The following CSGALNACT1 variants were observed in gnomAD, a reference collection of about 807,000 sequenced individuals.
The protein encoded by CSGALNACT1 is beta4GalNAcT-1.
A neutral mutation model predicts 51.0 loss-of-function variants in CSGALNACT1; 52 were observed. The observed-to-expected ratio is 1.02, with a 90% confidence interval of 0.82 to 1.29. The LOEUF is 1.29. Among genes scored for constraint, CSGALNACT1 ranks in the 50% most tolerant of loss-of-function variants. The pLI is 0.00. For missense variants in CSGALNACT1, 935 were observed against 679.2 expected, an observed-to-expected ratio of 1.38 and a Z score of -4.19; for synonymous variants, 341 against 254.4, an observed-to-expected ratio of 1.34 and a Z score of -3.24.
chr8:19,473,150 GA>G (rs2068601638), intron 4 of CSGALNACT1, among the ~76,000 whole-genome samples: 1 of 152,138 alleles, frequency 6.6e-6, no homozygotes, highest in African/African-American at 2.4e-5. Context: ...TGGACCCAGA[GA>G]TGTAAAGATT....
chr8:19,632,899 C>T (rs2055482976), intron 1 of CSGALNACT1, among the ~76,000 whole-genome samples: 1 of 151,024 alleles, frequency 6.6e-6, no homozygotes, highest in African/African-American at 2.4e-5. Flanking sequence ...GGACTACAGG[C>T]TTGCACCACC....
upstream of CSGALNACT1, among the ~76,000 whole-genome samples, chr8:19,607,202 G>C (rs1045335985): frequency 6.6e-6 from 1 of 151,586 alleles, no homozygotes. Context: ...GGGACCCTGC[G>C]TGGTCTGGAG....
At chr8:19,703,181 T>C (rs893482736) in intron 1 of CSGALNACT1, among the ~76,000 whole-genome samples, 2 of 152,172 alleles carry the variant, frequency 1.3e-5, no homozygotes, top group Non-Finnish European at 2.9e-5. Flanking sequence ...GAGCTTTTCC[T>C]TCTCAACTAG....
intron 3 of CSGALNACT1, among the ~76,000 whole-genome samples, chr8:19,583,198 C>T (rs2045947574): frequency 6.6e-6 from 1 of 152,046 alleles, no homozygotes; most frequent in Admixed American, 6.6e-5. Flanking sequence ...CCATTATTCT[C>T]TTAAATCATG....
intron 1 of CSGALNACT1, among the ~76,000 whole-genome samples, chr8:19,680,533 G>T (rs931013299): frequency 2.9e-5 from 4 of 137,320 alleles, no homozygotes; most frequent in African/African-American, 1.1e-4. Flanking sequence ...TCCAGCCTGG[G>T]CAACAAAGGA....
At chr8:19,503,276 C>T (rs4922047) in intron 4 of CSGALNACT1, among the ~76,000 whole-genome samples, 116,203 of 152,122 alleles carry the variant, frequency 0.76, 45,009 homozygotes, top group East Asian at 0.85. Flanking sequence ...GTGCTGCCCA[C>T]GAAATCAATA....
chr8:19,687,885 A>G (rs2061064782), intron 1 of CSGALNACT1, among the ~76,000 whole-genome samples: 1 of 152,246 alleles, frequency 6.6e-6, no homozygotes, highest in Admixed American at 6.5e-5. Flanking sequence ...TGAAGCAGAT[A>G]CTGTATAACC....
chr8:19,718,552 C>T (rs2062943345), intron 1 of CSGALNACT1, among the ~76,000 whole-genome samples: 1 of 152,114 alleles, frequency 6.6e-6, no homozygotes, highest in Non-Finnish European at 1.5e-5. Flanking sequence ...TTTTTCTTGC[C>T]ATCAATGTAC....
chr8:19,459,265 C>A (rs184400707), intron 4 of CSGALNACT1, among the ~76,000 whole-genome samples: 112 of 151,488 alleles, frequency 7.4e-4, no homozygotes, highest in African/African-American at 2.6e-3. Context: ...CGCCTGTAAC[C>A]CTGGCTACTT....
At position 19,579,872 on chromosome 8, in the gene CSGALNACT1, T is replaced by A. The variant is rs545908567; in HGVS notation, c.-297+11288A>T. Among the ~76,000 whole-genome samples, 128 of 152,230 alleles carry A rather than the reference T, an allele frequency of 8.4e-4. 1 individual carries two copies. The highest frequency in any genetic ancestry group is 2.7e-3 in the Admixed American group (41 of 15,294). On this transcript the variant is annotated intron_variant, in intron 3 of 9. Coordinates refer to ENST00000454498, the Ensembl canonical transcript of CSGALNACT1. ...ACAAAAAGTAATGGTAATATCACACTAAGTCTCCCGCTGAGAACAATTACA... is the reference window on the plus strand; with the variant it reads ...ACAAAAAGTAATGGTAATATCACACAAAGTCTCCCGCTGAGAACAATTACA...
intron 3 of CSGALNACT1, among the ~76,000 whole-genome samples, chr8:19,576,681 G>A (rs2044301485): frequency 1.3e-5 from 2 of 151,844 alleles, no homozygotes; most frequent in South Asian, 4.2e-4. Flanking sequence ...CCCCCGACAG[G>A]CAGCCCCATG....
chr8:19,619,964 T>C (rs897826189), intron 1 of CSGALNACT1, among the ~76,000 whole-genome samples: 8 of 152,160 alleles, frequency 5.3e-5, no homozygotes, highest in Middle Eastern at 3.4e-3. Flanking sequence ...CTCTAATTTC[T>C]AAAAGGAGGA....
intron 4 of CSGALNACT1, among the ~76,000 whole-genome samples, chr8:19,470,370 G>T (rs1334744389): frequency 1.3e-5 from 2 of 152,206 alleles, no homozygotes; most frequent in African/African-American, 2.4e-5. Flanking sequence ...GCACGGAGAT[G>T]AGTAAGGATG....
intron 5 of CSGALNACT1, among the ~76,000 whole-genome samples, chr8:19,456,052 T>C (rs1232838526): frequency 6.6e-6 from 1 of 152,230 alleles, no homozygotes; most frequent in Non-Finnish European, 1.5e-5. Flanking sequence ...CCCTGGGATT[T>C]TTGTGTTCTT....
At chr8:19,638,204 C>G (rs10101438) in intron 1 of CSGALNACT1, among the ~76,000 whole-genome samples, 8,171 of 152,236 alleles carry the variant, frequency 0.054, 283 homozygotes, top group South Asian at 0.086. Flanking sequence ...CCACATCCAC[C>G]TCACCCTTCA....
chr8:19,419,545 T>G (rs11204038), intron 7 of CSGALNACT1, among the ~76,000 whole-genome samples: 7,106 of 152,296 alleles, frequency 0.047, 183 homozygotes, highest in Non-Finnish European at 0.056. Context: ...ATAGCAGCCT[T>G]GCCTATGAGT....
intron 4 of CSGALNACT1, among the ~76,000 whole-genome samples, chr8:19,495,713 G>A (rs1378331408): frequency 3.3e-5 from 5 of 152,184 alleles, no homozygotes; most frequent in Non-Finnish European, 7.3e-5. Context: ...CACAAGATTC[G>A]GAAGAGAATG....
At chr8:19,732,600 T>TA (rs1182679750) in intron 1 of CSGALNACT1, 60 of 152,258 alleles carry the variant, frequency 3.9e-4, no homozygotes, top group African/African-American at 1.2e-3. Context: ...GAGTATGTGT[T>TA]AAAAAAATAA....
At chr8:19,574,505 C>T (rs373544403) in intron 3 of CSGALNACT1, among the ~76,000 whole-genome samples, 2 of 152,188 alleles carry the variant, frequency 1.3e-5, no homozygotes, top group African/African-American at 4.8e-5. Flanking sequence ...TACATAGCCT[C>T]ATTTTGCACA....
Sources: allele counts gnomAD v4.1 joint callset (sites outside exome capture counted in the v4.1 genomes callset), GRCh38; gene constraint gnomAD v4.1.1; transcripts MANE v1.5; gene names NCBI Gene and HGNC (gene_info 2026-07-23, HGNC 2026-07-21).